The following SEZ6L variants were observed in gnomAD, a reference collection of about 807,000 sequenced individuals.
SEZ6L encodes the protein seizure 6-like protein.
A neutral mutation model predicts 106.2 loss-of-function variants in SEZ6L; 37 were observed. The observed-to-expected ratio is 0.35, with a 90% CI of 0.27 to 0.46. The LOEUF is 0.46. Ranked by LOEUF, SEZ6L falls within the 20% of genes least tolerant of loss-of-function variation. SEZ6L has a pLI of 1.00. For missense variants in SEZ6L, 1,172 were observed against 1,332.8 expected, an observed-to-expected ratio of 0.88 and a Z score of 1.88; for synonymous variants, 541 against 570.4, an observed-to-expected ratio of 0.95 and a Z score of 0.73.
intron 1 of SEZ6L, among the ~76,000 whole-genome samples, chr22:26,277,844 A>G (rs771532423): frequency 2.6e-5 from 4 of 152,176 alleles, no homozygotes; most frequent in African/African-American, 4.8e-5. Flanking sequence ...ACTTCCTCCT[A>G]GTAGGGAAGA....
chr22:26,215,745 C>T (rs2078280743), intron 1 of SEZ6L, among the ~76,000 whole-genome samples: 1 of 152,296 alleles, frequency 6.6e-6, no homozygotes, highest in East Asian at 1.9e-4. Context: ...GGGTTTGGAT[C>T]AAGTGCTCAA....
At chr22:26,290,046 A>G (rs2081059732) in intron 1 of SEZ6L, among the ~76,000 whole-genome samples, 1 of 152,250 alleles carries the variant, frequency 6.6e-6, no homozygotes, top group South Asian at 2.1e-4. Context: ...AGTGCTTTGC[A>G]TACATCAACT....
intron 5 of SEZ6L, among the ~76,000 whole-genome samples, 174 bp downstream of exon 5, chr22:26,299,343 A>G (rs2081386396): frequency 6.6e-6 from 1 of 152,208 alleles, no homozygotes; most frequent in Non-Finnish European, 1.5e-5. Context: ...AATACACATA[A>G]TATGAAATTT....
intron 1 of SEZ6L, among the ~76,000 whole-genome samples, chr22:26,186,158 A>G (rs932511493): frequency 1.6e-4 from 24 of 151,962 alleles, no homozygotes; most frequent in African/African-American, 5.6e-4. Flanking sequence ...TTGCAGGGGA[A>G]CGGCTGAGCC....
At chr22:26,207,719 A>T (rs1004122400) in intron 1 of SEZ6L, among the ~76,000 whole-genome samples, 5 of 151,962 alleles carry the variant, frequency 3.3e-5, no homozygotes, top group African/African-American at 9.7e-5. Context: ...TAGGAATTAC[A>T]TTATATATCC....
At chr22:26,318,654 C>T (rs2082072852) in intron 9 of SEZ6L, among the ~76,000 whole-genome samples, 1 of 152,196 alleles carries the variant, frequency 6.6e-6, no homozygotes, top group Non-Finnish European at 1.5e-5. Context: ...GCAACTATTA[C>T]ATTTAATTAT....
chr22:26,367,346 T>C (rs2083853428), intron 13 of SEZ6L, among the ~76,000 whole-genome samples: 1 of 151,836 alleles, frequency 6.6e-6, no homozygotes, highest in Admixed American at 6.6e-5. Context: ...TTTGTTTTTG[T>C]TTGTTTGTTT....
intron 1 of SEZ6L, among the ~76,000 whole-genome samples, chr22:26,202,727 A>G (rs540970007): frequency 3.3e-5 from 5 of 152,326 alleles, no homozygotes; most frequent in South Asian, 2.1e-4. Flanking sequence ...CTGCTATTCA[A>G]TCACAACCAC....
intron 9 of SEZ6L, among the ~76,000 whole-genome samples, chr22:26,326,222 C>T (rs764446300): frequency 6.6e-6 from 1 of 152,188 alleles, no homozygotes; most frequent in Non-Finnish European, 1.5e-5. Flanking sequence ...TCTGTCTGAG[C>T]TGGACATTGC....
chr22:26,313,466 AC>A (rs1569458666), intron 8 of SEZ6L, among the ~76,000 whole-genome samples: 1 of 152,042 alleles, frequency 6.6e-6, no homozygotes, highest in Non-Finnish European at 1.5e-5. Context: ...CATTCTGACC[AC>A]TGAGCTCTGT....
chr22:26,239,456 AC>A (rs2079047760), intron 1 of SEZ6L, among the ~76,000 whole-genome samples: 1 of 152,226 alleles, frequency 6.6e-6, no homozygotes, highest in African/African-American at 2.4e-5. Flanking sequence ...ATCCAGTGAG[AC>A]CATGAAAAGG....
At chr22:26,339,003 C>T (rs2145985726) in intron 9 of SEZ6L, among the ~76,000 whole-genome samples, 1 of 151,722 alleles carries the variant, frequency 6.6e-6, no homozygotes, top group East Asian at 1.9e-4. Context: ...TGCACCTGGA[C>T]TCCCTACTCT....
chr22:26,310,826 C>T lies in SEZ6L; in HGVS notation c.1671C>T (p.Ile557=), dbSNP rs2081801305. The part of the protein sequence containing the change: ...DQARAASTFN[I]RFEAFEKGHC... ...CCCGGGCGGCCTCCACCTTCAACAT[C>T]CGATTTGAAGGTGAGGGTCCCTGGG... The change falls in exon 7 of 17, where the codon ATC becomes ATT. Residue 557 remains isoleucine, a synonymous_variant. Transcript: ENST00000248933. 6.2e-7 allele frequency: 1 copy of T among 1,613,766 alleles called. No individual in the cohort carries two copies.
chr22:26,319,147 C>G (rs2082085022), intron 9 of SEZ6L, among the ~76,000 whole-genome samples: 1 of 152,212 alleles, frequency 6.6e-6, no homozygotes, highest in African/African-American at 2.4e-5. Context: ...CTCCCACACC[C>G]TGTAGCCAAA....
intron 1 of SEZ6L, among the ~76,000 whole-genome samples, chr22:26,286,520 A>G (rs1037005088): frequency 1.3e-5 from 2 of 152,222 alleles, no homozygotes; most frequent in African/African-American, 2.4e-5. Context: ...AATTTGTTTT[A>G]CTTCGTTGCT....
At chr22:26,314,704 T>C (rs1236549960) in intron 9 of SEZ6L, among the ~76,000 whole-genome samples, 1 of 152,142 alleles carries the variant, frequency 6.6e-6, no homozygotes, top group East Asian at 1.9e-4. Context: ...CCCCGCTAGC[T>C]CCCCAAGAGG....
At chr22:26,254,026 G>A (rs1422071561) in intron 1 of SEZ6L, 1 of 152,164 alleles carries the variant, frequency 6.6e-6, no homozygotes, top group Non-Finnish European at 1.5e-5. Context: ...CCTTCGTAGA[G>A]GTCAAGTGAA....
Position 26,350,286 on chromosome 22 carries a change from G to A in SEZ6L, c.2408-766G>A, listed in dbSNP as rs548577234. Among the ~76,000 whole-genome samples the A allele has an allele frequency of 2.6e-3, 398 of 151,392 alleles. 1 individual carries two copies. The highest frequency in any genetic ancestry group is 3.8e-3 in the Non-Finnish European group (256 of 67,840). ...TCTGTTGCCCAGGCTGGAGTGCAGTGGTGCCATAATGGCTCACTGCAGCCT... is the reference window on the plus strand; with the variant it reads ...TCTGTTGCCCAGGCTGGAGTGCAGTAGTGCCATAATGGCTCACTGCAGCCT... On this transcript the variant is annotated intron_variant, in intron 11 of 16. Transcript: ENST00000248933.
intron 13 of SEZ6L, among the ~76,000 whole-genome samples, chr22:26,371,005 C>CAAAAAAA (rs59911432): frequency 9.1e-6 from 1 of 110,014 alleles, no homozygotes; most frequent in East Asian, 2.9e-4. Context: ...CCCTGTATCA[C>CAAAAAAA]AAAAAAAAAA....
Sources: gnomAD v4.1 joint callset for allele counts (sites outside exome capture counted in the v4.1 genomes callset) on GRCh38, gnomAD v4.1.1 for gene constraint, MANE v1.5 for transcripts, NCBI Gene and HGNC (gene_info 2026-07-23, HGNC 2026-07-21) for gene names.